The following H6PD variants were observed in gnomAD, a reference collection of about 807,000 sequenced individuals.
H6PD encodes the protein hexose-6-phosphate dehydrogenase/glucose 1-dehydrogenase.
H6PD carries 48 observed loss-of-function variants against 61.2 expected under a neutral mutation model. The observed-to-expected ratio is 0.78, with a 90% CI of 0.62 to 1.00. The LOEUF is 1.00. Ranked by LOEUF, H6PD falls within the 50% of genes least tolerant of loss-of-function variation. The pLI is 0.00. For missense variants in H6PD, 1,093 were observed against 1,065.0 expected, an observed-to-expected ratio of 1.03 and a Z score of -0.37; for synonymous variants, 480 against 457.9, an observed-to-expected ratio of 1.05 and a Z score of -0.62.
intron 4 of H6PD, 53 bp from the exon 5 acceptor site, chr1:9,263,456 G>GGAGAGTCCTGGTCTGTGCCA (rs1553186049): frequency 4.4e-6 from 7 of 1,575,958 alleles, no homozygotes; most frequent in Non-Finnish European, 6.1e-6. Flanking sequence ...AGGGCTGGCC[G>GGAGAGTCCTGGTCTGTGCCA]GAGAGTCCTG....
chr1:9,252,603 C>T lies in H6PD; in HGVS notation c.745+5520C>T, dbSNP rs138425999. Among the ~76,000 whole-genome samples, 656 of 152,236 alleles carry T rather than the reference C, an allele frequency of 4.3e-3. 5 individuals are homozygous for T. The highest frequency in any genetic ancestry group is 0.015 in the African/African-American group (636 of 41,540). The stretch of plus-strand genomic sequence containing the variant: ...TACAATGCACATACCACAAAATTTA[C>T]GCTTTTAAAATATAAAATTAAGTGG... On this transcript the variant is annotated intron_variant, in intron 3 of 4. Coordinates refer to ENST00000377403, the MANE Select transcript of H6PD (RefSeq NM_004285.4).
At chr1:9,249,786 G>A (rs971048329) in intron 3 of H6PD, among the ~76,000 whole-genome samples, 3 of 152,198 alleles carry the variant, frequency 2.0e-5, no homozygotes, top group African/African-American at 7.2e-5. Context: ...GCCCTCACTG[G>A]TTGGCTTGTT....
intron 3 of H6PD, among the ~76,000 whole-genome samples, chr1:9,256,230 AC>A (rs1641511584): frequency 6.6e-6 from 1 of 152,372 alleles, no homozygotes; most frequent in South Asian, 2.1e-4. Flanking sequence ...CTTGAAGGCC[AC>A]AACACTACAG....
chr1:9,260,032 T>C (rs1193819438), intron 3 of H6PD, among the ~76,000 whole-genome samples: 3 of 152,118 alleles, frequency 2.0e-5, no homozygotes, highest in Non-Finnish European at 4.4e-5. Context: ...CTGGTGTTGT[T>C]GCACTGCTGT....
rs1000220470 is a variant in H6PD at position 9,267,635 on chromosome 1, A to C, written c.*2766A>C. ...GTGTGGGTGAGGGTCGAAATGCCAA[A>C]GGTCTACTTTCCAGAATCAAGTGCC... On this transcript the variant is annotated 3_prime_UTR_variant, in exon 5 of 5. Transcript: ENST00000377403. The C allele has an allele frequency of 6.6e-6, 1 of 152,288 alleles. No individual in the cohort carries two copies. Among genetic ancestry groups the C allele is most frequent in the Non-Finnish European group, 1.5e-5 (1 of 68,118 alleles). 9.4% of individuals were successfully genotyped at this position (152,288 alleles called of 1,614,324 possible). A position where few individuals can be genotyped will look rare whatever the true frequency, so the allele number is the denominator to read the frequency against.
chr1:9,265,362 A>G lies in H6PD; in HGVS notation c.*493A>G. 1 of 248,020 alleles carries G rather than the reference A, an allele frequency of 4.0e-6. No homozygotes were observed. Among genetic ancestry groups the G allele is most frequent in the Non-Finnish European group, 7.9e-6 (1 of 126,446 alleles). 15.4% of individuals were successfully genotyped at this position (248,020 alleles called of 1,614,324 possible). A position where few individuals can be genotyped will look rare whatever the true frequency, so the allele number is the denominator to read the frequency against. The stretch of plus-strand genomic sequence containing the variant: ...GGGAGTACATTGCCCCGTGCAAAGC[A>G]GGGGCATTGGGGACTGTCTTGAGAC... On this transcript the variant is annotated 3_prime_UTR_variant, in exon 5 of 5. Coordinates refer to ENST00000377403, the MANE Select transcript of H6PD (RefSeq NM_004285.4).
intron 3 of H6PD, among the ~76,000 whole-genome samples, chr1:9,256,046 A>T (rs924577853): frequency 6.6e-6 from 1 of 152,204 alleles, no homozygotes; most frequent in Non-Finnish European, 1.5e-5. Flanking sequence ...GCTGTGTGTG[A>T]CCTTGGGTAA....
intron 1 of H6PD, among the ~76,000 whole-genome samples, chr1:9,240,311 T>G (rs147960964): frequency 1.3e-3 from 192 of 152,338 alleles, no homozygotes; most frequent in African/African-American, 4.6e-3. Context: ...CGCACAGTTC[T>G]CAGCTCTTGG....
intron 3 of H6PD, among the ~76,000 whole-genome samples, chr1:9,252,662 A>C (rs1055636983): frequency 6.6e-6 from 1 of 152,270 alleles, no homozygotes; most frequent in African/African-American, 2.4e-5. Flanking sequence ...TGCAACTACT[A>C]TCTAATTCGA....
chr1:9,263,432 G>A (rs113556335), intron 4 of H6PD, 77 bp from the exon 5 acceptor site: 24,014 of 1,440,272 alleles, frequency 0.017, 224 homozygotes, highest in Non-Finnish European at 0.02. Context: ...CAGAGGAGCC[G>A]GCAAGGAGAG....
Position 9,268,080 on chromosome 1 carries a change from A to G in H6PD, c.*3211A>G, listed in dbSNP as rs746671398. On this transcript the variant is annotated 3_prime_UTR_variant, in exon 5 of 5. Transcript: ENST00000377403. The stretch of plus-strand genomic sequence containing the variant: ...CAACATAGTGAGACCCCATCTCTAC[A>G]AAAAGTTTTAAAACCAGGTATGGTG... 6.6e-6 allele frequency: 1 copy of G among 152,094 alleles called. No homozygotes were observed. The highest frequency in any genetic ancestry group is 1.5e-5 in the Non-Finnish European group (1 of 68,048). 9.4% of individuals were successfully genotyped at this position (152,094 alleles called of 1,614,324 possible). A position where few individuals can be genotyped will look rare whatever the true frequency, so the allele number is the denominator to read the frequency against.
rs1251632237 is a variant in H6PD, at chr1:9,264,943, G to T, written c.*74G>T. ...GTGTCTTCCCTCCCTTCTCGGCCCC[G>T]CCACCTGCCCAGCGTGCCCTGGCTC... On this transcript the variant is annotated 3_prime_UTR_variant, in exon 5 of 5. Transcript: ENST00000377403. 2.6e-6 allele frequency: 4 copies of T among 1,526,426 alleles called. No homozygotes were observed. Among genetic ancestry groups the T allele is most frequent in the Non-Finnish European group, 3.6e-6 (4 of 1,117,226 alleles). 94.6% of individuals were successfully genotyped at this position (1,526,426 alleles called of 1,614,324 possible).
At chr1:9,247,649 G>A (rs1641225220) in intron 3 of H6PD, among the ~76,000 whole-genome samples, 1 of 152,100 alleles carries the variant, frequency 6.6e-6, no homozygotes. Context: ...TCTTCTGCCA[G>A]CCTGTAGGCT....
intron 4 of H6PD, 109 bp downstream of exon 4, chr1:9,262,437 C>A (rs1450040126): frequency 3.8e-6 from 4 of 1,056,518 alleles, no homozygotes; most frequent in Non-Finnish European, 5.6e-6. Context: ...GGTGGGATTT[C>A]CCCCAGGGTG....
Position 9,245,834 on chromosome 1 carries a change from C to A in H6PD, c.627+273C>A, listed in dbSNP as rs1001296608. ...TCCCAGTCTGGGCTCTGGCTTCTCA[C>A]GGTTGCCCTGCATCCCCTGTAGCGG... is the stretch of plus-strand genomic sequence containing the variant. On this transcript the variant is annotated intron_variant, in intron 2 of 4. Coordinates refer to ENST00000377403, the MANE Select transcript of H6PD (RefSeq NM_004285.4). The surrounding 1 kb of genome is among the most constrained non-coding windows in gnomAD (Gnocchi z 4.8). Among the ~76,000 whole-genome samples, 2 of 152,298 alleles carry A rather than the reference C, an allele frequency of 1.3e-5. No individual in the cohort carries two copies. The highest frequency in any genetic ancestry group is 1.9e-4 in the East Asian group (1 of 5,182).
At position 9,263,738 on chromosome 1, in the gene H6PD, C is replaced by A. The variant is rs754138358; in HGVS notation, c.1245C>A (p.Ser415Arg). The A allele has an allele frequency of 2.5e-6, 4 of 1,613,898 alleles. No individual in the cohort carries two copies. The African/African-American group carries it at 5.3e-5, about 22-fold the overall frequency. Residue 415 changes from serine to arginine, a missense_variant, in exon 5 of 5, where the codon AGC (serine) becomes AGA (arginine). Physicochemically the swap from Ser to Arg is moderately radical, Grantham distance 110. Coordinates refer to ENST00000377403, the MANE Select transcript of H6PD (RefSeq NM_004285.4). ...GDLGSPAVLV[S>R]RNLFRPSLPS... ...TGGGCAGCCCTGCCGTGCTGGTCAG[C>A]AGGAACCTGTTCAGGCCCTCCCTGC...
At chr1:9,235,107 G>T (rs1041228490) in intron 1 of H6PD, 41 bp downstream of exon 1, 2 of 149,200 alleles carry the variant, frequency 1.3e-5, no homozygotes, top group East Asian at 2.0e-4. Flanking sequence ...CCCGGCCCCG[G>T]CGCCTCCAAC....
intron 1 of H6PD, among the ~76,000 whole-genome samples, chr1:9,241,956 C>T (rs1395678757): frequency 6.6e-6 from 1 of 152,112 alleles, no homozygotes; most frequent in East Asian, 1.9e-4. Flanking sequence ...TGGCACACGC[C>T]GACTACTTGG....
At position 9,254,658 on chromosome 1, in the gene H6PD, G is replaced by C. The variant is rs1374236716; in HGVS notation, c.746-7401G>C. Among the ~76,000 whole-genome samples the C allele has an allele frequency of 6.6e-6, 1 of 152,038 alleles. No individual in the cohort carries two copies. The highest frequency in any genetic ancestry group is 1.5e-5 in the Non-Finnish European group (1 of 68,016). The stretch of plus-strand genomic sequence containing the variant: ...TTCATCTTCCTGAAGTACCTCTTTC[G>C]TGCTTCTGCTTCCCTGTTCTAAAAC... On this transcript the variant is annotated intron_variant, in intron 3 of 4. Coordinates refer to ENST00000377403, the MANE Select transcript of H6PD (RefSeq NM_004285.4). The surrounding 1 kb of genome is among the most constrained non-coding windows in gnomAD (Gnocchi z 4.6).
Sources: allele counts gnomAD v4.1 joint callset (sites outside exome capture counted in the v4.1 genomes callset), GRCh38; gene constraint gnomAD v4.1.1; non-coding constraint Gnocchi (gnomAD v3.1); transcripts MANE v1.5; gene names NCBI Gene and HGNC (gene_info 2026-07-23, HGNC 2026-07-21).